CDH12: variants seen among roughly 807,000 people sequenced by gnomAD.
CDH12 encodes cadherin 12, also known as cadherin-12.
CDH12 carries 41 observed loss-of-function variants against 74.1 expected under a neutral mutation model. The ratio of observed to expected loss-of-function variants is 0.55; its 90% CI spans 0.43 to 0.72. The LOEUF (loss-of-function observed/expected upper bound fraction) is 0.72, where lower values mean the gene tolerates loss of function less well. CDH12 is among the 30% of genes least tolerant of loss of function. CDH12 has a pLI of 0.00. For missense variants in CDH12, 945 were observed against 977.2 expected (o/e 0.97, Z 0.44); for synonymous variants, 399 against 355.0 (o/e 1.12, Z -1.39).
At chr5:22,842,036 A>G (rs1380417307) in intron 1 of CDH12, among the ~76,000 whole-genome samples, 1 of 152,158 alleles carries the variant, frequency 6.6e-6, no homozygotes, top group Non-Finnish European at 1.5e-5. Context: ...AAAATACTTG[A>G]GATGACAACA....
In CDH12 at chr5:22,118,825, T is replaced by C. The variant is rs141781477; in HGVS notation, c.-186-39963A>G. 5.0e-3 allele frequency among the ~76,000 whole-genome samples: 766 copies of C among 152,206 alleles called. 5 individuals carry two copies. Among genetic ancestry groups the C allele is most frequent in the African/African-American group, 0.017 (706 of 41,548 alleles). ...TGTCATAGGCAGCTTCCTTAAGGAC[T>C]CTATTATTCTTATTACCCTAATTGC... On this transcript the variant is annotated intron_variant, in intron 4 of 14. Transcript: ENST00000382254.
intron 4 of CDH12, chr5:22,142,362 A>G: frequency 2.2e-6 from 1 of 445,164 alleles, no homozygotes; most frequent in Admixed American, 2.8e-5. Context: ...GGGTAGTAGA[A>G]CAATGGGATT....
intron 6 of CDH12, among the ~76,000 whole-genome samples, chr5:21,950,582 C>A (rs1203518224): frequency 2.0e-5 from 3 of 151,224 alleles, no homozygotes; most frequent in Non-Finnish European, 4.4e-5. Flanking sequence ...ACATGGCCAA[C>A]AATATTGTCC....
intron 3 of CDH12, among the ~76,000 whole-genome samples, chr5:22,293,884 G>A (rs1263735956): frequency 6.6e-6 from 1 of 152,112 alleles, no homozygotes. Flanking sequence ...CAAAATCTCA[G>A]TTACATAGAA....
chr5:22,136,488 T>G (rs1746466814), intron 4 of CDH12, among the ~76,000 whole-genome samples: 1 of 151,938 alleles, frequency 6.6e-6, no homozygotes, highest in African/African-American at 2.4e-5. Context: ...TCACAATATG[T>G]ATACCCACCA....
intron 4 of CDH12, among the ~76,000 whole-genome samples, chr5:22,175,475 AT>A (rs984186125): frequency 2.9e-4 from 44 of 152,204 alleles, no homozygotes; most frequent in African/African-American, 9.6e-4. Flanking sequence ...ATGAAAAAAA[AT>A]ATATGTATAT....
intron 6 of CDH12, among the ~76,000 whole-genome samples, chr5:21,941,518 G>C (rs1755327773): frequency 1.3e-5 from 2 of 151,594 alleles, no homozygotes; most frequent in African/African-American, 4.8e-5. Context: ...AAATGTGACT[G>C]GTCATTCCCA....
chr5:22,713,932 A>G (rs1398442750), intron 1 of CDH12, among the ~76,000 whole-genome samples: 1 of 152,182 alleles, frequency 6.6e-6, no homozygotes, highest in Non-Finnish European at 1.5e-5. Flanking sequence ...CCTCATCCAT[A>G]GCTCTACATC....
At chr5:22,194,982 C>T (rs963013970) in intron 4 of CDH12, among the ~76,000 whole-genome samples, 5 of 152,116 alleles carry the variant, frequency 3.3e-5, no homozygotes, top group African/African-American at 4.8e-5. Flanking sequence ...TCAGGGGCAG[C>T]AATCAAGGCA....
At chr5:22,428,204 TATACACAC>T (rs1014632461) in intron 2 of CDH12, among the ~76,000 whole-genome samples, 2 of 27,412 alleles carry the variant, frequency 7.3e-5, no homozygotes, top group African/African-American at 2.4e-4. Context: ...TGTATATATA[TATACACAC>T]ACACACACAC....
intron 4 of CDH12, among the ~76,000 whole-genome samples, chr5:22,079,284 T>C (rs1254833088): frequency 6.6e-6 from 1 of 152,178 alleles, no homozygotes; most frequent in Non-Finnish European, 1.5e-5. Context: ...ACTTTTTTCT[T>C]CTACTTAATA....
chr5:22,719,852 G>T (rs1217851697), intron 1 of CDH12, among the ~76,000 whole-genome samples: 3 of 152,000 alleles, frequency 2.0e-5, no homozygotes, highest in African/African-American at 7.3e-5. Context: ...ATGTTACTTG[G>T]TCTCTCTGTT....
At chr5:22,645,654 G>C (rs909427568) in intron 1 of CDH12, among the ~76,000 whole-genome samples, 1 of 151,966 alleles carries the variant, frequency 6.6e-6, no homozygotes, top group Non-Finnish European at 1.5e-5. Context: ...TCATCAAATA[G>C]CATCATATGC....
At chr5:22,097,492 C>T (rs1171129588) in intron 4 of CDH12, among the ~76,000 whole-genome samples, 2 of 152,162 alleles carry the variant, frequency 1.3e-5, no homozygotes, top group African/African-American at 4.8e-5. Flanking sequence ...GTATTGACGG[C>T]CAGGCTTCTA....
rs1748097442 is a variant in CDH12 at position 21,817,035 on chromosome 5, A to G, written c.912T>C (p.Ile304=). 6.2e-7 allele frequency: 1 copy of G among 1,612,712 alleles called. No homozygotes were observed. The highest frequency in any genetic ancestry group is 1.1e-5 in the South Asian group (1 of 91,052). ...VDPDFGQNAE[I]EYNIVPGDGG... ...CATCTCCTGGAACAATATTGTATTC[A>G]ATTTCTGCATTTTGTCCAAAATCAG... Residue 304 remains isoleucine, a synonymous_variant, in exon 9 of 15, where the codon ATT becomes ATC. Transcript: ENST00000382254.
chr5:22,305,798 G>A (rs1738082190), intron 3 of CDH12, among the ~76,000 whole-genome samples: 1 of 152,140 alleles, frequency 6.6e-6, no homozygotes, highest in African/African-American at 2.4e-5. Flanking sequence ...AATGTTGACC[G>A]TAAATGTTTT....
At chr5:22,174,550 G>C (rs2150331725) in intron 4 of CDH12, among the ~76,000 whole-genome samples, 1 of 152,008 alleles carries the variant, frequency 6.6e-6, no homozygotes, top group African/African-American at 2.4e-5. Context: ...TCATGAATTG[G>C]AAAATATGTC....
intron 6 of CDH12, among the ~76,000 whole-genome samples, chr5:21,932,501 G>T (rs1754886244): frequency 6.6e-6 from 1 of 152,150 alleles, no homozygotes. Flanking sequence ...ACACAGCAAA[G>T]TTTGAAACAT....
At chr5:22,723,148 C>T (rs1743984628) in intron 1 of CDH12, among the ~76,000 whole-genome samples, 1 of 152,028 alleles carries the variant, frequency 6.6e-6, no homozygotes, top group Admixed American at 6.6e-5. Context: ...TTTTATAGTC[C>T]TTTTCTTCTT....
Sources: allele counts gnomAD v4.1 joint callset (sites outside exome capture counted in the v4.1 genomes callset), GRCh38; gene constraint gnomAD v4.1.1; transcripts MANE v1.5; gene names NCBI Gene and HGNC (gene_info 2026-07-23, HGNC 2026-07-21).